ZC4H2: variants seen among roughly 807,000 people sequenced by gnomAD.
ZC4H2 encodes zinc finger C4H2-type containing.
For synonymous variants in ZC4H2, 84 were observed against 66.3 expected (o/e 1.27, Z -1.30); for missense variants, 137 against 173.9 (o/e 0.79, Z 1.19).
At chrX:65,021,112 A>G (rs1340340424) in intron 1 of ZC4H2, among the ~76,000 whole-genome samples, 1 of 110,895 alleles carries the variant, frequency 9.0e-6, no homozygotes, top group Non-Finnish European at 1.9e-5. Context: ...TATTAGACAG[A>G]TCAATGAGAC....
chrX:64,921,115 G>A (rs957837759), intron 2 of ZC4H2, among the ~76,000 whole-genome samples: 28 of 112,261 alleles, frequency 2.5e-4, no homozygotes, highest in African/African-American at 9.1e-4. Flanking sequence ...CAGAAAATGA[G>A]TATTGCCACA....
At chrX:64,949,717 A>T (rs750570346) in intron 1 of ZC4H2, among the ~76,000 whole-genome samples, 1 of 111,097 alleles carries the variant, frequency 9.0e-6, no homozygotes, top group East Asian at 2.8e-4. Flanking sequence ...TTTTTATGGC[A>T]TCCATTTGAT....
upstream of ZC4H2, among the ~76,000 whole-genome samples, chrX:64,980,244 G>A (rs746996532): frequency 1.4e-3 from 153 of 112,196 alleles, no homozygotes; most frequent in African/African-American, 4.7e-3. Context: ...TAGCAGATAC[G>A]ACAGACATGG....
chrX:64,945,058 ACCTTCTGAAG>A (rs1930462924), intron 1 of ZC4H2, among the ~76,000 whole-genome samples: 1 of 112,549 alleles, frequency 8.9e-6, no homozygotes, highest in Admixed American at 9.4e-5. Context: ...GTTATTACCC[ACCTTCTGAAG>A]CCTACTTCTG....
intron 1 of ZC4H2, among the ~76,000 whole-genome samples, chrX:64,938,287 T>C (rs1022252515): frequency 3.6e-5 from 4 of 112,053 alleles, no homozygotes; most frequent in Non-Finnish European, 7.5e-5. Flanking sequence ...ATTGAGGCAG[T>C]AATTAACAGA....
intron 1 of ZC4H2, among the ~76,000 whole-genome samples, chrX:64,928,697 T>G (rs866541802): frequency 1.0e-5 from 1 of 100,333 alleles, no homozygotes; most frequent in African/African-American, 3.8e-5. Flanking sequence ...CCTCCTCTTC[T>G]TCTTCTCCTC....
At position 64,918,083 on chromosome X, in the gene ZC4H2, A is replaced by G. The variant is rs753561724; in HGVS notation, c.562-187T>C. ...GGGAAGGAAGGACATAACCCAGTTCAGAGAATGGTGTTGAGAAAAAGTATA... is the reference window on the plus strand; with the variant it reads ...GGGAAGGAAGGACATAACCCAGTTCGGAGAATGGTGTTGAGAAAAAGTATA... On this transcript the variant is annotated intron_variant, in intron 4 of 4. Coordinates refer to ENST00000374839, the MANE Select transcript of ZC4H2 (RefSeq NM_018684.4). The G allele has an allele frequency of 1.8e-5, 8 of 455,278 alleles. No homozygotes were observed. The Admixed American group carries it at 3.1e-4, about 18-fold the overall frequency. The allele number at this position is 455,278 out of a possible 1,213,427, so 37.5% of individuals were successfully genotyped here. A position where few individuals can be genotyped will look rare whatever the true frequency, so the allele number is the denominator to read the frequency against.
chrX:64,965,291 T>C (rs1931548381), intron 1 of ZC4H2, among the ~76,000 whole-genome samples: 1 of 111,740 alleles, frequency 8.9e-6, no homozygotes, highest in African/African-American at 3.2e-5. Context: ...ATTAAAAAGA[T>C]ATAGTAATCA....
intron 1 of ZC4H2, among the ~76,000 whole-genome samples, chrX:65,002,696 C>T (rs1290046356): frequency 9.0e-6 from 1 of 110,525 alleles, no homozygotes; most frequent in Non-Finnish European, 1.9e-5. Context: ...TAGGAGACTC[C>T]ATTTTGTTCT....
chrX:64,930,066 C>G (rs1929672592), intron 1 of ZC4H2, among the ~76,000 whole-genome samples: 1 of 110,911 alleles, frequency 9.0e-6, no homozygotes, highest in African/African-American at 3.3e-5. Flanking sequence ...TTGTAGTTTT[C>G]CTTGCAGATA....
chrX:64,934,294 C>T (rs1281803921), intron 1 of ZC4H2, among the ~76,000 whole-genome samples: 2 of 112,055 alleles, frequency 1.8e-5, no homozygotes, highest in Non-Finnish European at 3.8e-5. Flanking sequence ...AACATCTGGG[C>T]CTGAAGATTC....
intron 1 of ZC4H2, among the ~76,000 whole-genome samples, chrX:64,986,979 G>A (rs1355638421): frequency 1.0e-5 from 1 of 97,209 alleles, no homozygotes; most frequent in Non-Finnish European, 2.0e-5. Flanking sequence ...CCAGGCTGCA[G>A]TGCAGTGGCG....
intron 1 of ZC4H2, among the ~76,000 whole-genome samples, chrX:65,019,068 G>A (rs1175772579): frequency 1.8e-5 from 2 of 111,727 alleles, no homozygotes; most frequent in African/African-American, 6.5e-5. Flanking sequence ...CCATCTCACT[G>A]GGACAGAGGA....
intron 1 of ZC4H2, among the ~76,000 whole-genome samples, chrX:64,946,581 G>A (rs1930542772): frequency 5.2e-5 from 5 of 95,880 alleles, no homozygotes; most frequent in African/African-American, 1.9e-4. Flanking sequence ...TTAAATGCGT[G>A]CACACACACA....
intron 1 of ZC4H2, among the ~76,000 whole-genome samples, chrX:64,999,985 C>T (rs1422184342): frequency 8.9e-6 from 1 of 112,098 alleles, no homozygotes; most frequent in African/African-American, 3.2e-5. Context: ...GGACAGAGCA[C>T]CTGGGGGAAG....
chrX:65,006,721 G>T (rs963725620), intron 1 of ZC4H2, among the ~76,000 whole-genome samples: 4 of 111,893 alleles, frequency 3.6e-5, no homozygotes, highest in Non-Finnish European at 5.6e-5. Flanking sequence ...CAATAAAAAA[G>T]AATTTTTCAA....
At chrX:64,965,482 A>G (rs1356903756) in intron 1 of ZC4H2, 2 of 322,730 alleles carry the variant, frequency 6.2e-6, no homozygotes, top group Admixed American at 3.2e-5. Context: ...TTAAGTGAAA[A>G]TGGATCATAG....
At chrX:64,928,382 C>A (rs773647800) in intron 1 of ZC4H2, among the ~76,000 whole-genome samples, 1 of 111,861 alleles carries the variant, frequency 8.9e-6, no homozygotes, top group African/African-American at 3.2e-5. Context: ...AATAGGGAAT[C>A]CTTTCCACAT....
intron 1 of ZC4H2, among the ~76,000 whole-genome samples, chrX:65,000,197 G>A (rs866903270): frequency 9.9e-5 from 11 of 111,621 alleles, no homozygotes; most frequent in Middle Eastern, 9.3e-3. Flanking sequence ...GGAGAGCTCC[G>A]GCTGGCATCT....
Sources: gnomAD v4.1 joint callset for allele counts (sites outside exome capture counted in the v4.1 genomes callset) on GRCh38, gnomAD v4.1.1 for gene constraint, MANE v1.5 for transcripts, NCBI Gene and HGNC (gene_info 2026-07-23, HGNC 2026-07-21) for gene names.